The following SMIM31 variants were observed in gnomAD, a reference collection of about 807,000 sequenced individuals.
SMIM31 encodes small integral membrane protein 31, also known as human epithelial cell program regulator.
At chr4:164,766,118 C>T (rs1402974167) in intron 1 of SMIM31, among the ~76,000 whole-genome samples, 2 of 152,174 alleles carry the variant, frequency 1.3e-5, no homozygotes, top group African/African-American at 4.8e-5. Flanking sequence ...AAAAGAAACA[C>T]ATCTCCCCCG....
intron 1 of SMIM31, among the ~76,000 whole-genome samples, chr4:164,766,265 C>T (rs1187230473): frequency 6.6e-6 from 1 of 152,124 alleles, no homozygotes; most frequent in African/African-American, 2.4e-5. Flanking sequence ...TGCTTGATGC[C>T]GCTGAGATTT....
chr4:164,792,514 A>ATT (rs1269760406), intron 2 of SMIM31, among the ~76,000 whole-genome samples: 1 of 152,208 alleles, frequency 6.6e-6, no homozygotes, highest in African/African-American at 2.4e-5. Flanking sequence ...GCAGTCTATA[A>ATT]TTCCTAAAAG....
intron 2 of SMIM31, among the ~76,000 whole-genome samples, chr4:164,799,373 A>G (rs1366019737): frequency 6.6e-6 from 1 of 152,104 alleles, no homozygotes; most frequent in African/African-American, 2.4e-5. Context: ...CAACAGAGCA[A>G]GCCCCTGTCT....
chr4:164,801,451 C>G lies in SMIM31; in HGVS notation c.*257C>G, dbSNP rs183136528. The stretch of plus-strand genomic sequence containing the variant: ...ATTGATTATACAAAAAAAAAAAGAC[C>G]AAAGTGGTTACAATAATAAAATAGA... On this transcript the variant is annotated 3_prime_UTR_variant, in exon 3 of 3. Transcript: ENST00000507311. 3 of 287,930 alleles carry G rather than the reference C, an allele frequency of 1.0e-5. No individual in the cohort carries two copies. Among genetic ancestry groups the G allele is most frequent in the Non-Finnish European group, 1.9e-5 (3 of 157,582 alleles). The allele number at this position is 287,930 out of a possible 1,614,324, so 17.8% of individuals were successfully genotyped here.
At chr4:164,778,363 C>A (rs1732904706) in intron 2 of SMIM31, among the ~76,000 whole-genome samples, 1 of 152,104 alleles carries the variant, frequency 6.6e-6, no homozygotes, top group Non-Finnish European at 1.5e-5. Context: ...CCACCTCATT[C>A]TTCTCCAAAA....
chr4:164,798,934 C>T (rs1733246917), intron 2 of SMIM31, among the ~76,000 whole-genome samples: 1 of 152,038 alleles, frequency 6.6e-6, no homozygotes, highest in Admixed American at 6.6e-5. Flanking sequence ...TACCCCTCAC[C>T]CTCTTGTTCC....
At chr4:164,765,987 T>A (rs1319941026) in intron 1 of SMIM31, among the ~76,000 whole-genome samples, 1 of 152,184 alleles carries the variant, frequency 6.6e-6, no homozygotes, top group East Asian at 1.9e-4. Context: ...GCATGTTCCA[T>A]GCTGTCCCCG....
chr4:164,772,777 AC>A (rs1560826561), intron 2 of SMIM31, among the ~76,000 whole-genome samples: 1 of 151,238 alleles, frequency 6.6e-6, no homozygotes, highest in Non-Finnish European at 1.5e-5. Flanking sequence ...ACGGGGTTTC[AC>A]CGTGTTAGCC....
At chr4:164,791,208 G>T (rs1334046822) in intron 2 of SMIM31, among the ~76,000 whole-genome samples, 1 of 152,010 alleles carries the variant, frequency 6.6e-6, no homozygotes, top group Non-Finnish European at 1.5e-5. Flanking sequence ...ACATTGAGTA[G>T]ATTAATGTTT....
chr4:164,761,696 C>T (rs1732651987), intron 1 of SMIM31, among the ~76,000 whole-genome samples: 1 of 151,768 alleles, frequency 6.6e-6, no homozygotes, highest in Admixed American at 6.6e-5. Flanking sequence ...AAGAGGGTGT[C>T]TCACGAGGTC....
At chr4:164,786,359 C>T (rs1733025762) in intron 2 of SMIM31, among the ~76,000 whole-genome samples, 1 of 152,118 alleles carries the variant, frequency 6.6e-6, no homozygotes, top group Admixed American at 6.5e-5. Flanking sequence ...AGGGCCTAGT[C>T]TGTGTTCCAG....
chr4:164,759,701 C>T (rs985204052), intron 1 of SMIM31, among the ~76,000 whole-genome samples: 5 of 152,130 alleles, frequency 3.3e-5, no homozygotes, highest in African/African-American at 1.2e-4. Context: ...TTGGTAAATA[C>T]TAATTGAGCT....
At chr4:164,757,152 T>C (rs1232504868) in intron 1 of SMIM31, among the ~76,000 whole-genome samples, 1 of 152,230 alleles carries the variant, frequency 6.6e-6, no homozygotes. Context: ...TATTTGCGTG[T>C]ATCTGATGAT....
At chr4:164,774,926 A>G (rs75760755) in intron 2 of SMIM31, among the ~76,000 whole-genome samples, 2,781 of 152,304 alleles carry the variant, frequency 0.018, 89 homozygotes, top group African/African-American at 0.063. Flanking sequence ...GATATCCTCA[A>G]CAGTGTTAGC....
intron 2 of SMIM31, among the ~76,000 whole-genome samples, chr4:164,777,381 C>T (rs1023635221): frequency 6.6e-6 from 1 of 152,148 alleles, no homozygotes; most frequent in African/African-American, 2.4e-5. Context: ...TCATTTTGCA[C>T]CTATTTCGTT....
At chr4:164,782,372 CTTTT>C (rs1248797653) in intron 2 of SMIM31, among the ~76,000 whole-genome samples, 1 of 135,874 alleles carries the variant, frequency 7.4e-6, no homozygotes, top group Non-Finnish European at 1.5e-5. Flanking sequence ...TTATCTCTTT[CTTTT>C]ATTTTTTTTT....
chr4:164,782,077 G>A (rs1732957616), intron 2 of SMIM31, among the ~76,000 whole-genome samples: 1 of 151,996 alleles, frequency 6.6e-6, no homozygotes, highest in Non-Finnish European at 1.5e-5. Flanking sequence ...GATCACCTGA[G>A]GTCGGGAGTT....
At chr4:164,773,128 T>G (rs950109378) in intron 2 of SMIM31, among the ~76,000 whole-genome samples, 7 of 151,910 alleles carry the variant, frequency 4.6e-5, no homozygotes, top group African/African-American at 1.7e-4. Context: ...ACAACTTAAT[T>G]TTTAATAAGT....
chr4:164,784,614 A>C (rs2110950017), intron 2 of SMIM31, among the ~76,000 whole-genome samples: 1 of 152,316 alleles, frequency 6.6e-6, no homozygotes, highest in South Asian at 2.1e-4. Context: ...TGCTGGGAGA[A>C]ATAAGACTTA....
Sources: allele counts gnomAD v4.1 joint callset (sites outside exome capture counted in the v4.1 genomes callset), GRCh38; gene constraint gnomAD v4.1.1; transcripts MANE v1.5; gene names NCBI Gene and HGNC (gene_info 2026-07-23, HGNC 2026-07-21).